Variants in MCCC1 observed in about 807,000 individuals in gnomAD.
The protein encoded by MCCC1 is methylcrotonyl-CoA carboxylase subunit 1.
Under a neutral mutation model 83.8 loss-of-function variants are expected in MCCC1, and 64 were observed. That is an observed-to-expected ratio of 0.76 (90% CI 0.62 to 0.94). The LOEUF (loss-of-function observed/expected upper bound fraction) is 0.94. Ranked by LOEUF, MCCC1 falls within the 40% of genes least tolerant of loss-of-function variation. The pLI is 0.00. For synonymous variants in MCCC1, 322 were observed against 315.4 expected, an observed-to-expected ratio of 1.02 and a Z score of -0.22; for missense variants, 807 against 904.7, an observed-to-expected ratio of 0.89 and a Z score of 1.39.
intron 4 of MCCC1, among the ~76,000 whole-genome samples, chr3:183,075,096 C>G (rs747479556): frequency 6.6e-6 from 1 of 152,202 alleles, no homozygotes; most frequent in Non-Finnish European, 1.5e-5. Flanking sequence ...TATGTACCAC[C>G]TTTTCTTCAT....
chr3:183,038,596 A>G (rs1223872308), intron 12 of MCCC1, among the ~76,000 whole-genome samples: 1 of 152,256 alleles, frequency 6.6e-6, no homozygotes, highest in Non-Finnish European at 1.5e-5. Flanking sequence ...GAAACTGAAC[A>G]TAATTATTTT....
intron 8 of MCCC1, among the ~76,000 whole-genome samples, chr3:183,055,052 A>G (rs1715304290): frequency 6.6e-6 from 1 of 152,146 alleles, no homozygotes; most frequent in Non-Finnish European, 1.5e-5. Flanking sequence ...ATGTATTCCT[A>G]TTGTTAAGCA....
intron 10 of MCCC1, among the ~76,000 whole-genome samples, chr3:183,042,738 C>T (rs1194387042): frequency 1.3e-5 from 2 of 152,206 alleles, no homozygotes; most frequent in East Asian, 1.9e-4. Flanking sequence ...TGTCTCTATA[C>T]TTACTTTGTC....
intron 10 of MCCC1, among the ~76,000 whole-genome samples, chr3:183,042,809 C>T (rs1714199749): frequency 6.6e-6 from 1 of 152,164 alleles, no homozygotes; most frequent in Non-Finnish European, 1.5e-5. Context: ...ATACAGTCAG[C>T]ACTATGTTAC....
At chr3:183,060,201 T>C (rs2108509441) in intron 7 of MCCC1, among the ~76,000 whole-genome samples, 1 of 152,358 alleles carries the variant, frequency 6.6e-6, no homozygotes, top group African/African-American at 2.4e-5. Flanking sequence ...TTTGGGAAAG[T>C]TCTATTTATC....
rs1434921198 is a variant in MCCC1, at chr3:183,026,972, C to T, written c.1682-1168G>A. On this transcript the variant is annotated intron_variant, in intron 14 of 18. Coordinates refer to ENST00000265594, the MANE Select transcript of MCCC1 (RefSeq NM_020166.5). ...CATTCTGCAGATACTATGTTTTTTA[C>T]CTATTGAGTTTGTGGCAACACCATG... Among the ~76,000 whole-genome samples, 3 of 152,186 alleles carry T rather than the reference C, an allele frequency of 2.0e-5. No individual in the cohort carries two copies. In the East Asian group the frequency reaches 5.8e-4, roughly 29 times the overall value.
chr3:183,056,672 T>TTAA (rs1715442915), intron 8 of MCCC1, among the ~76,000 whole-genome samples: 1 of 152,230 alleles, frequency 6.6e-6, no homozygotes, highest in South Asian at 2.1e-4. Context: ...ATTCCAGTAA[T>TTAA]TAATTCTAGT....
intron 3 of MCCC1, among the ~76,000 whole-genome samples, chr3:183,088,073 CCA>C (rs1422884972): frequency 5.9e-5 from 9 of 151,750 alleles, no homozygotes; most frequent in Non-Finnish European, 1.0e-4. Flanking sequence ...GGTCCAGGGG[CCA>C]GAGAGGATGC....
intron 8 of MCCC1, among the ~76,000 whole-genome samples, chr3:183,055,767 G>C (rs1715375043): frequency 6.6e-6 from 1 of 152,070 alleles, no homozygotes; most frequent in Admixed American, 6.6e-5. Flanking sequence ...AGGCATGGTG[G>C]CATGCACTTG....
At chr3:183,069,075 T>A (rs1577325157) in intron 7 of MCCC1, among the ~76,000 whole-genome samples, 1 of 152,338 alleles carries the variant, frequency 6.6e-6, no homozygotes, top group South Asian at 2.1e-4. Context: ...TTCCATCTTC[T>A]GCATTTTCCA....
chr3:183,090,313 T>A (rs1455764167), intron 3 of MCCC1, among the ~76,000 whole-genome samples: 1 of 152,206 alleles, frequency 6.6e-6, no homozygotes, highest in East Asian at 1.9e-4. Flanking sequence ...ATGGATAGTA[T>A]CAGTCTAGTA....
chr3:183,085,672 C>T (rs946494749), intron 4 of MCCC1, among the ~76,000 whole-genome samples: 2 of 149,344 alleles, frequency 1.3e-5, no homozygotes, highest in Non-Finnish European at 3.0e-5. Flanking sequence ...CTAAATGATG[C>T]TACCCCTACC....
intron 1 of MCCC1, among the ~76,000 whole-genome samples, chr3:183,096,704 A>G (rs1718763455): frequency 2.0e-5 from 3 of 152,214 alleles, no homozygotes; most frequent in Admixed American, 2.0e-4. Context: ...CTTTGGCAGG[A>G]GAGTTCCGTG....
chr3:183,102,195 T>C (rs1407334951), upstream of MCCC1, among the ~76,000 whole-genome samples: 1 of 151,988 alleles, frequency 6.6e-6, no homozygotes, highest in Non-Finnish European at 1.5e-5. Context: ...GAGACCCGCA[T>C]CTGCACAAAC....
intron 7 of MCCC1, among the ~76,000 whole-genome samples, chr3:183,067,259 C>G (rs934864021): frequency 6.6e-6 from 1 of 152,130 alleles, no homozygotes; most frequent in Non-Finnish European, 1.5e-5. Context: ...CCCAAGTTAT[C>G]GTGAGACCTC....
chr3:183,053,516 A>T (rs925069543), intron 8 of MCCC1, among the ~76,000 whole-genome samples: 1 of 151,938 alleles, frequency 6.6e-6, no homozygotes, highest in Non-Finnish European at 1.5e-5. Flanking sequence ...TTAAAAATTT[A>T]AAAATAGGGG....
At chr3:183,041,041 G>A (rs1248230030) in intron 11 of MCCC1, among the ~76,000 whole-genome samples, 3 of 152,194 alleles carry the variant, frequency 2.0e-5, no homozygotes, top group Non-Finnish European at 4.4e-5. Context: ...AGGAACACAA[G>A]TAGAAAAATC....
chr3:183,096,423 C>T (rs564835103), intron 1 of MCCC1, among the ~76,000 whole-genome samples: 10 of 152,188 alleles, frequency 6.6e-5, no homozygotes, highest in African/African-American at 2.4e-4. Context: ...TTTGTCTATA[C>T]CTGGAAGATG....
At chr3:183,051,766 G>A (rs1274438664) in intron 9 of MCCC1, among the ~76,000 whole-genome samples, 1 of 136,772 alleles carries the variant, frequency 7.3e-6, no homozygotes, top group African/African-American at 2.7e-5. Flanking sequence ...TGTGTTGGGG[G>A]GTATCCGAGT....
Sources: gnomAD v4.1 joint callset for allele counts (sites outside exome capture counted in the v4.1 genomes callset) on GRCh38, gnomAD v4.1.1 for gene constraint, MANE v1.5 for transcripts, NCBI Gene and HGNC (gene_info 2026-07-23, HGNC 2026-07-21) for gene names.